Variants in PTPN5 observed in about 807,000 individuals in gnomAD.
The protein encoded by PTPN5 is protein tyrosine phosphatase non-receptor type 5.
A neutral mutation model predicts 73.9 loss-of-function variants in PTPN5; 29 were observed. That is an observed-to-expected ratio of 0.39 (90% confidence interval 0.29 to 0.54). The LOEUF (loss-of-function observed/expected upper bound fraction) is 0.54. Among genes scored for constraint, PTPN5 ranks in the 20% least tolerant of loss-of-function variants. The pLI is 0.65. For synonymous variants in PTPN5, 267 were observed against 304.7 expected (o/e 0.88, Z 1.29); for missense variants, 652 against 751.4 (o/e 0.87, Z 1.55).
At position 18,729,151 on chromosome 11, in the gene PTPN5, A is replaced by G. The variant is rs189259067; in HGVS notation, c.1605-124T>C. The stretch of plus-strand genomic sequence containing the variant: ...GCCCCTGTGCGTCTTGGAGAGACCA[A>G]CCCTTGCCAACCATTACCCTCTGCC... On this transcript the variant is annotated intron_variant, in intron 14 of 14. Transcript: ENST00000358540. This position sits in a 1 kb window ranked among gnomAD's most constrained non-coding sequence, Gnocchi z 5.2. 415 of 868,164 alleles carry G rather than the reference A, an allele frequency of 4.8e-4. No homozygotes were observed. The highest frequency in any genetic ancestry group is 5.7e-4 in the Non-Finnish European group (314 of 553,942). 53.8% of individuals were successfully genotyped at this position (868,164 alleles called of 1,614,324 possible).
intron 3 of PTPN5, among the ~76,000 whole-genome samples, chr11:18,763,208 C>T (rs1318426432): frequency 6.6e-6 from 1 of 152,218 alleles, no homozygotes; most frequent in African/African-American, 2.4e-5. Context: ...CAGATAGGGA[C>T]AGGCACAGGG....
rs544028162 is a variant in PTPN5, at chr11:18,744,366, G to A, written c.98-167C>T. 1.7e-5 allele frequency: 8 copies of A among 476,396 alleles called. No individual in the cohort carries two copies. The South Asian group carries it at 2.3e-4, about 14-fold the overall frequency. 29.5% of individuals were successfully genotyped at this position (476,396 alleles called of 1,614,324 possible). ...AGCAAAGCAATATTCACCTACCTTCGTCAGAAAGAGCTAAGTGTGGGTGGA... is the reference window on the plus strand; with the variant it reads ...AGCAAAGCAATATTCACCTACCTTCATCAGAAAGAGCTAAGTGTGGGTGGA... On this transcript the variant is annotated intron_variant, in intron 3 of 14. Coordinates refer to ENST00000358540, the MANE Select transcript of PTPN5 (RefSeq NM_006906.2).
intron 8 of PTPN5, among the ~76,000 whole-genome samples, chr11:18,739,364 G>T (rs538324837): frequency 6.6e-6 from 1 of 152,316 alleles, no homozygotes; most frequent in East Asian, 1.9e-4. Flanking sequence ...GGTGGTTAAA[G>T]AAGGCTTTCT....
intron 1 of PTPN5, among the ~76,000 whole-genome samples, chr11:18,776,114 T>C (rs1350369375): frequency 2.0e-5 from 3 of 152,130 alleles, no homozygotes; most frequent in Non-Finnish European, 4.4e-5. Context: ...TGCATTCTGC[T>C]CCCTCTCCCT....
In PTPN5 at chr11:18,742,616, T is replaced by G; in HGVS notation, c.484-113A>C. On this transcript the variant is annotated intron_variant, in intron 6 of 14. Transcript: ENST00000358540. This position sits in a 1 kb window ranked among gnomAD's most constrained non-coding sequence, Gnocchi z 4.1. The stretch of plus-strand genomic sequence containing the variant: ...ACTCCCTCAGTGTGTCTAGAGCAGC[T>G]CTGCTCTCCTGGGAGTTGTCCACAA... 3.5e-6 allele frequency: 5 copies of G among 1,441,998 alleles called. No homozygotes were observed. Among genetic ancestry groups the G allele is most frequent in the Non-Finnish European group, 4.7e-6 (5 of 1,074,878 alleles). 89.3% of individuals were successfully genotyped at this position (1,441,998 alleles called of 1,614,324 possible).
rs201233912 is a variant in PTPN5, at chr11:18,742,348, C to G, written c.639G>C (p.Glu213Asp). The G allele has an allele frequency of 2.5e-4, 400 of 1,614,162 alleles. 2 individuals are homozygous for G. The highest frequency in any genetic ancestry group is 2.9e-4 in the Non-Finnish European group (338 of 1,180,036). ...DDFLDLDPVPETPVFDCVMDI... is the reference protein window; with the variant it reads ...DDFLDLDPVPDTPVFDCVMDI... ...CCATCACACAATCAAACACAGGAGT[C>G]TCGGGCACCGGGTCGAGGTCCAGGA... The change falls in exon 7 of 15, where the codon GAG becomes GAC. Residue 213 changes from glutamate to aspartate, a missense_variant. Coordinates refer to ENST00000358540, the MANE Select transcript of PTPN5 (RefSeq NM_006906.2). The surrounding 1 kb of genome is among the most constrained non-coding windows in gnomAD (Gnocchi z 4.1).
chr11:18,763,253 C>T (rs1001874764), intron 3 of PTPN5, among the ~76,000 whole-genome samples: 1 of 152,228 alleles, frequency 6.6e-6, no homozygotes, highest in African/African-American at 2.4e-5. Context: ...CTGTCTGGAA[C>T]AAACGCACCT....
chr11:18,736,159 G>A (rs901097844), intron 9 of PTPN5, among the ~76,000 whole-genome samples: 5 of 152,256 alleles, frequency 3.3e-5, no homozygotes, highest in South Asian at 4.1e-4. Flanking sequence ...TGCAGACCCC[G>A]GCATGGTGGC....
intron 3 of PTPN5, 37 bp downstream of exon 3, chr11:18,765,770 T>G (rs1441801850): frequency 3.5e-6 from 5 of 1,419,730 alleles, no homozygotes; most frequent in Non-Finnish European, 4.9e-6. Context: ...CTCTCCATTC[T>G]GAGGTCTGGG....
rs1848988511 is a variant in PTPN5 at position 18,733,573 on chromosome 11, TG to T, written c.1062del (p.Asn355MetfsTer43). On this transcript the variant is annotated frameshift_variant, in exon 10 of 15. Coordinates refer to ENST00000358540, the MANE Select transcript of PTPN5 (RefSeq NM_006906.2). LOFTEE classifies it high-confidence loss of function. The surrounding 1 kb of genome is among the most constrained non-coding windows in gnomAD (Gnocchi z 4.3). ...PDPDDPLSSY[I>X]NANYIRGYGG... ...ATACGTACCCGGATGTAGTTGGCAT[TG>T]ATGTAGGAACTCAGAGGGTCGTCAG... is the stretch of plus-strand genomic sequence containing the variant. The T allele has an allele frequency of 6.2e-7, 1 of 1,614,050 alleles. No individual in the cohort carries two copies. The highest frequency in any genetic ancestry group is 1.7e-5 in the Admixed American group (1 of 59,996).
chr11:18,755,257 C>G (rs1000454534), intron 3 of PTPN5, among the ~76,000 whole-genome samples: 2 of 152,180 alleles, frequency 1.3e-5, no homozygotes, highest in Non-Finnish European at 2.9e-5. Context: ...GATTCTTCAG[C>G]CACAGTCGAG....
At chr11:18,759,091 C>T (rs538645863) in intron 3 of PTPN5, among the ~76,000 whole-genome samples, 42 of 152,294 alleles carry the variant, frequency 2.8e-4, no homozygotes, top group Admixed American at 2.3e-3. Context: ...AGATACACTA[C>T]CCCACTCCAC....
chr11:18,733,223 G>T lies in PTPN5; in HGVS notation c.1218+12C>A. 1 of 1,607,594 alleles carries T rather than the reference G, an allele frequency of 6.2e-7. No individual in the cohort carries two copies. Among genetic ancestry groups the T allele is most frequent in the Non-Finnish European group, 8.5e-7 (1 of 1,174,750 alleles). ...TGTAGCAGACACTTAGAATGGGGAC[G>T]GGGGTCCCTACCTCGTTCATCTCCT... On this transcript the variant is annotated intron_variant, in intron 11 of 14. Transcript: ENST00000358540. This position sits in a 1 kb window ranked among gnomAD's most constrained non-coding sequence, Gnocchi z 4.3.
intron 8 of PTPN5, among the ~76,000 whole-genome samples, chr11:18,740,268 G>C (rs1157205562): frequency 2.0e-5 from 3 of 152,214 alleles, no homozygotes; most frequent in African/African-American, 7.2e-5. Flanking sequence ...AGAAGAGTTA[G>C]AAGTGAAGGT....
At chr11:18,769,716 T>C in intron 2 of PTPN5, among the ~76,000 whole-genome samples, 1 of 152,222 alleles carries the variant, frequency 6.6e-6, no homozygotes, top group East Asian at 1.9e-4. Flanking sequence ...GGACTGGTTT[T>C]TAAAATATGT....
intron 2 of PTPN5, among the ~76,000 whole-genome samples, chr11:18,770,883 C>T (rs996959989): frequency 1.3e-5 from 2 of 152,132 alleles, no homozygotes; most frequent in African/African-American, 2.4e-5. Flanking sequence ...CAGCTGCTGC[C>T]GTGGGCTGGG....
At chr11:18,762,746 C>CT (rs1401058451) in intron 3 of PTPN5, among the ~76,000 whole-genome samples, 2 of 152,240 alleles carry the variant, frequency 1.3e-5, no homozygotes, top group African/African-American at 4.8e-5. Context: ...ACTGAATCCT[C>CT]TAACAACTCT....
chr11:18,760,495 G>A (rs1850338938), intron 3 of PTPN5, among the ~76,000 whole-genome samples: 2 of 152,230 alleles, frequency 1.3e-5, no homozygotes. Context: ...CTAGGGCTGG[G>A]TTGGGGACAG....
Position 18,742,198 on chromosome 11 carries a change from T to C in PTPN5, c.725+64A>G, listed in dbSNP as rs1012711814. 9.3e-5 allele frequency: 148 copies of C among 1,596,464 alleles called. 1 individual carries two copies. Among genetic ancestry groups the C allele is most frequent in the Admixed American group, 7.3e-4 (43 of 59,278 alleles). ...CCAGGAGTCAGAGTCAGGCATCCAC[T>C]CTTCTGATCAGGAGCTAAGAGCTCA... is the stretch of plus-strand genomic sequence containing the variant. On this transcript the variant is annotated intron_variant, in intron 7 of 14. Coordinates refer to ENST00000358540, the MANE Select transcript of PTPN5 (RefSeq NM_006906.2). This position sits in a 1 kb window ranked among gnomAD's most constrained non-coding sequence, Gnocchi z 4.1.
Sources: gnomAD v4.1 joint callset for allele counts (sites outside exome capture counted in the v4.1 genomes callset) on GRCh38, gnomAD v4.1.1 for gene constraint, Gnocchi (gnomAD v3.1) non-coding constraint, MANE v1.5 for transcripts, NCBI Gene and HGNC (gene_info 2026-07-23, HGNC 2026-07-21) for gene names.